The following VDAC1 variants were observed in gnomAD, a reference collection of about 807,000 sequenced individuals.
VDAC1 encodes non-selective voltage-gated ion channel VDAC1.
VDAC1 carries 10 observed loss-of-function variants against 34.7 expected under a neutral mutation model. That is an observed-to-expected ratio of 0.29 (90% confidence interval 0.18 to 0.49). VDAC1 has a LOEUF of 0.49. Ranked by LOEUF, VDAC1 falls within the 20% of genes least tolerant of loss-of-function variation. The probability of loss-of-function intolerance (pLI) is 0.99; values close to 1 mark genes in which losing one functional copy is unlikely to be tolerated. For synonymous variants in VDAC1, 130 were observed against 136.0 expected, an observed-to-expected ratio of 0.96 and a Z score of 0.30; for missense variants, 230 against 347.9, an observed-to-expected ratio of 0.66 and a Z score of 2.69.
chr5:133,982,378 G>A (rs889947626), intron 5 of VDAC1, among the ~76,000 whole-genome samples: 5 of 151,854 alleles, frequency 3.3e-5, no homozygotes, highest in African/African-American at 1.2e-4. Flanking sequence ...TGGGCGCGGT[G>A]GTGGGCGTGT....
the VDAC1 span, among the ~76,000 whole-genome samples, chr5:134,023,703 TTAC>T: frequency 2.0e-5 from 3 of 152,102 alleles, no homozygotes; most frequent in Admixed American, 2.0e-4. Flanking sequence ...CTCTTGGCAC[TTAC>T]TGTCTAGGGG....
the VDAC1 span, among the ~76,000 whole-genome samples, chr5:134,037,112 C>T: frequency 1.3e-5 from 2 of 152,124 alleles, no homozygotes; most frequent in African/African-American, 4.8e-5. Flanking sequence ...AACCACAGCA[C>T]AAACAGGCAA....
chr5:133,988,113 C>T (rs544802105), intron 5 of VDAC1, among the ~76,000 whole-genome samples: 1 of 152,258 alleles, frequency 6.6e-6, no homozygotes, highest in Non-Finnish European at 1.5e-5. Context: ...AAAAAGACGT[C>T]ATTGTGACAA....
the VDAC1 span, among the ~76,000 whole-genome samples, chr5:134,108,203 C>G: frequency 6.6e-6 from 1 of 152,008 alleles, no homozygotes; most frequent in African/African-American, 2.4e-5. Context: ...GCCCAGCTAA[C>G]AAACGAACTG....
the VDAC1 span, among the ~76,000 whole-genome samples, chr5:134,020,480 C>T: frequency 3.3e-5 from 5 of 152,048 alleles, no homozygotes; most frequent in African/African-American, 7.2e-5. Flanking sequence ...TTCCCAATTC[C>T]GCACACTTAA....
chr5:134,092,654 C>A, the VDAC1 span, among the ~76,000 whole-genome samples: 1 of 142,110 alleles, frequency 7.0e-6, no homozygotes, highest in Admixed American at 7.3e-5. Context: ...CCAGCCCAGG[C>A]AACAGTGCAA....
rs115685642 is a variant in VDAC1, at chr5:133,977,184, C to T, written c.552-1163G>A. 9.5e-3 allele frequency among the ~76,000 whole-genome samples: 1,449 copies of T among 152,316 alleles called. 26 individuals are homozygous for T. Among genetic ancestry groups the T allele is most frequent in the African/African-American group, 0.031 (1,275 of 41,566 alleles). ...AGCCCTTGGCACAACCTGCTGCAGC[C>T]ACTGCTGGGGAGATACAGTTGGCAC... On this transcript the variant is annotated intron_variant, in intron 6 of 8. Transcript: ENST00000265333.
the VDAC1 span, among the ~76,000 whole-genome samples, chr5:134,039,522 G>T: frequency 6.4e-4 from 98 of 152,192 alleles, no homozygotes; most frequent in African/African-American, 2.1e-3. Flanking sequence ...TAGAGACGGG[G>T]GTTTCACCGT....
At chr5:133,983,887 G>A (rs1413422613) in intron 5 of VDAC1, among the ~76,000 whole-genome samples, 2 of 151,440 alleles carry the variant, frequency 1.3e-5, no homozygotes, top group Admixed American at 1.3e-4. Flanking sequence ...TCTCTCTCTT[G>A]CTCCTGCTCT....
the VDAC1 span, among the ~76,000 whole-genome samples, chr5:134,100,868 GAA>G: frequency 2.0e-5 from 3 of 152,274 alleles, no homozygotes; most frequent in Non-Finnish European, 4.4e-5. Flanking sequence ...TCTAAGCAGA[GAA>G]AGAGGCAGAA....
At chr5:134,064,430 G>A in the VDAC1 span, among the ~76,000 whole-genome samples, 4 of 151,956 alleles carry the variant, frequency 2.6e-5, no homozygotes, top group South Asian at 2.1e-4. Flanking sequence ...TCAACCTCCC[G>A]AGTAGCTGGG....
At chr5:134,076,356 C>A in the VDAC1 span, among the ~76,000 whole-genome samples, 5 of 152,176 alleles carry the variant, frequency 3.3e-5, no homozygotes, top group Non-Finnish European at 7.3e-5. Flanking sequence ...CTTCCTGAGT[C>A]CCCCAGACTC....
chr5:134,055,628 C>A, the VDAC1 span, among the ~76,000 whole-genome samples: 1 of 98,832 alleles, frequency 1.0e-5, no homozygotes, highest in Non-Finnish European at 1.9e-5. Flanking sequence ...TTAGTAGAGA[C>A]AGGGTTTCAC....
chr5:134,001,037 C>A (rs1413424379), intron 1 of VDAC1, among the ~76,000 whole-genome samples: 1 of 152,248 alleles, frequency 6.6e-6, no homozygotes, highest in East Asian at 1.9e-4. Context: ...CCATTGTCCA[C>A]TGCCAGTTGG....
the VDAC1 span, among the ~76,000 whole-genome samples, chr5:134,022,857 C>A: frequency 4.6e-5 from 7 of 152,296 alleles, no homozygotes; most frequent in South Asian, 1.4e-3. Flanking sequence ...GAAATAGGAA[C>A]GCATTTACAC....
At chr5:134,076,340 G>A in the VDAC1 span, among the ~76,000 whole-genome samples, 1 of 152,182 alleles carries the variant, frequency 6.6e-6, no homozygotes, top group Non-Finnish European at 1.5e-5. Context: ...CACATCGTGT[G>A]GAGGCCTTCC....
At chr5:134,089,362 G>T in the VDAC1 span, among the ~76,000 whole-genome samples, 1 of 152,230 alleles carries the variant, frequency 6.6e-6, no homozygotes, top group East Asian at 1.9e-4. Flanking sequence ...TGAGAAGCAG[G>T]TGGCTTCTTA....
the VDAC1 span, chr5:134,081,872 G>A: frequency 6.5e-6 from 1 of 154,140 alleles, no homozygotes; most frequent in Non-Finnish European, 1.5e-5. Flanking sequence ...AAGAGTGGTG[G>A]AATCAGTGTA....
At chr5:133,978,527 T>G (rs1314881705) in intron 6 of VDAC1, among the ~76,000 whole-genome samples, 4 of 152,260 alleles carry the variant, frequency 2.6e-5, no homozygotes, top group Admixed American at 2.0e-4. Flanking sequence ...CAGAGAATCC[T>G]GTCTTCTGTA....
Sources: allele counts gnomAD v4.1 joint callset (sites outside exome capture counted in the v4.1 genomes callset), GRCh38; gene constraint gnomAD v4.1.1; transcripts MANE v1.5; gene names NCBI Gene and HGNC (gene_info 2026-07-23, HGNC 2026-07-21).